The following DCLK1 variants were observed in gnomAD, a reference collection of about 807,000 sequenced individuals.
DCLK1 encodes the protein doublecortin like kinase 1.
In DCLK1, 16 loss-of-function variants were observed where a neutral mutation model predicts 86.2. The ratio of observed to expected loss-of-function variants is 0.19; its 90% CI spans 0.13 to 0.28. DCLK1 has a LOEUF of 0.28. Among genes scored for constraint, DCLK1 ranks in the 10% least tolerant of loss-of-function variants. The probability of loss-of-function intolerance (pLI) is 1.00; values close to 1 mark genes in which losing one functional copy is unlikely to be tolerated. For synonymous variants in DCLK1, 369 were observed against 370.5 expected, an observed-to-expected ratio of 1.00 and a Z score of 0.05; for missense variants, 590 against 940.2, an observed-to-expected ratio of 0.63 and a Z score of 4.87.
At chr13:36,062,097 G>C (rs1414703842) in intron 3 of DCLK1, among the ~76,000 whole-genome samples, 1 of 151,984 alleles carries the variant, frequency 6.6e-6, no homozygotes, top group Non-Finnish European at 1.5e-5. Context: ...ACCCTTGTGG[G>C]TTTTTATATA....
At chr13:35,991,936 C>T (rs1366522820) in intron 3 of DCLK1, among the ~76,000 whole-genome samples, 1 of 152,012 alleles carries the variant, frequency 6.6e-6, no homozygotes, top group Non-Finnish European at 1.5e-5. Context: ...TTTTCTAATG[C>T]CTGGAAAGTG....
rs1280145349 is a variant in DCLK1, at chr13:35,769,518, C to CT, written c.*5016dup. 1.3e-5 allele frequency: 2 copies of CT among 151,982 alleles called. No individual in the cohort carries two copies. The highest frequency in any genetic ancestry group is 2.9e-5 in the Non-Finnish European group (2 of 67,996). 9.4% of individuals were successfully genotyped at this position (151,982 alleles called of 1,614,324 possible). A position where few individuals can be genotyped will look rare whatever the true frequency, so the allele number is the denominator to read the frequency against. On this transcript the variant is annotated 3_prime_UTR_variant, in exon 17 of 17. Transcript: ENST00000360631. ...TATAACCTTGGACCAGTTTCAATTT[C>CT]TTTTTATTTTTTCTGAGAATACACC...
intron 3 of DCLK1, among the ~76,000 whole-genome samples, chr13:36,107,454 T>C (rs1016309802): frequency 6.6e-6 from 1 of 151,242 alleles, no homozygotes; most frequent in East Asian, 2.0e-4. Context: ...ACATGGCCTA[T>C]GTGAAATGTC....
chr13:35,822,070 G>A (rs1287548865), intron 11 of DCLK1, among the ~76,000 whole-genome samples: 1 of 151,668 alleles, frequency 6.6e-6, no homozygotes, highest in Non-Finnish European at 1.5e-5. Context: ...TGTAAAGTTG[G>A]GAGACTCCAA....
chr13:36,085,279 A>G (rs761717061), intron 3 of DCLK1, among the ~76,000 whole-genome samples: 1 of 152,188 alleles, frequency 6.6e-6, no homozygotes, highest in African/African-American at 2.4e-5. Context: ...TATAAAGCAA[A>G]TGGACCCTTT....
chr13:35,783,331 T>A (rs560045870), intron 16 of DCLK1, among the ~76,000 whole-genome samples: 4 of 152,266 alleles, frequency 2.6e-5, no homozygotes, highest in South Asian at 4.1e-4. Flanking sequence ...TTTTTTTAGT[T>A]TCTTCTTTGG....
intron 4 of DCLK1, among the ~76,000 whole-genome samples, chr13:35,918,466 G>A (rs1875564631): frequency 6.6e-6 from 1 of 152,130 alleles, no homozygotes; most frequent in East Asian, 1.9e-4. Context: ...TGATTCCAAT[G>A]TCATATGACA....
chr13:35,936,962 C>CTTTTTTTTTTTTTTTTTTTTTTT lies in DCLK1; in HGVS notation c.823+10373_823+10395dup, dbSNP rs140269668. 2.3e-3 allele frequency among the ~76,000 whole-genome samples: 150 copies of CTTTTTTTTTTTTTTTTTTTTTTT among 65,736 alleles called. 12 individuals are homozygous for CTTTTTTTTTTTTTTTTTTTTTTT. Among genetic ancestry groups the CTTTTTTTTTTTTTTTTTTTTTTT allele is most frequent in the East Asian group, 3.7e-3 (6 of 1,620 alleles). 43.1% of individuals were successfully genotyped at this position (65,736 alleles called of 152,430 possible). A position where few individuals can be genotyped will look rare whatever the true frequency, so the allele number is the denominator to read the frequency against. On this transcript the variant is annotated intron_variant, in intron 4 of 16. Transcript: ENST00000360631. ...TTAAAACATCCAAAAGAAAAGTTAG[C>CTTTTTTTTTTTTTTTTTTTTTTT]TTTTTTTTTTTTTTTTTTTTTTTTT...
At chr13:35,834,299 C>A (rs1008422117) in intron 8 of DCLK1, among the ~76,000 whole-genome samples, 1 of 152,136 alleles carries the variant, frequency 6.6e-6, no homozygotes, top group Non-Finnish European at 1.5e-5. Flanking sequence ...ATGGCTTTCC[C>A]AAATTAATTA....
At chr13:36,041,418 C>T (rs1324476505) in intron 3 of DCLK1, among the ~76,000 whole-genome samples, 1 of 152,164 alleles carries the variant, frequency 6.6e-6, no homozygotes, top group Non-Finnish European at 1.5e-5. Context: ...CGGGAAACAA[C>T]TTTTTAAAAT....
intron 4 of DCLK1, among the ~76,000 whole-genome samples, chr13:35,946,844 A>T (rs1877412341): frequency 6.6e-6 from 1 of 152,148 alleles, no homozygotes; most frequent in Non-Finnish European, 1.5e-5. Context: ...AGAGTAGCAC[A>T]TTTAGTTTGT....
intron 4 of DCLK1, among the ~76,000 whole-genome samples, chr13:35,892,554 G>A (rs887180370): frequency 5.3e-5 from 8 of 152,142 alleles, no homozygotes; most frequent in Non-Finnish European, 1.2e-4. Context: ...AGGAAAATGC[G>A]AATTAGATGT....
intron 3 of DCLK1, among the ~76,000 whole-genome samples, chr13:36,080,214 G>T (rs968686108): frequency 6.6e-6 from 1 of 152,180 alleles, no homozygotes; most frequent in African/African-American, 2.4e-5. Flanking sequence ...AGAAAGGAGA[G>T]CAAGGCCTAG....
At chr13:35,859,254 C>T (rs1364552772) in intron 5 of DCLK1, among the ~76,000 whole-genome samples, 1 of 152,202 alleles carries the variant, frequency 6.6e-6, no homozygotes, top group Non-Finnish European at 1.5e-5. Context: ...ATCCACTAAA[C>T]TCTGAATTAG....
At chr13:36,027,501 G>A (rs970333677) in intron 3 of DCLK1, among the ~76,000 whole-genome samples, 4 of 152,104 alleles carry the variant, frequency 2.6e-5, no homozygotes, top group African/African-American at 9.7e-5. Context: ...GACATGATCT[G>A]GGAAATATTA....
chr13:36,090,104 A>C (rs1884764617), intron 3 of DCLK1, among the ~76,000 whole-genome samples: 3 of 152,238 alleles, frequency 2.0e-5, no homozygotes, highest in Admixed American at 1.3e-4. Context: ...GCCTTACTTT[A>C]GAGTGGGGTG....
chr13:36,008,834 T>C (rs1368097600), intron 3 of DCLK1, among the ~76,000 whole-genome samples: 4 of 150,930 alleles, frequency 2.7e-5, no homozygotes, highest in African/African-American at 7.3e-5. Flanking sequence ...GTTTACAGTC[T>C]CACCAACAGT....
chr13:35,795,982 C>T (rs1479678825), intron 15 of DCLK1, among the ~76,000 whole-genome samples: 1 of 137,930 alleles, frequency 7.3e-6, no homozygotes, highest in Non-Finnish European at 1.6e-5. Context: ...GTGAATGAAA[C>T]AAAAGGCCCC....
chr13:36,113,016 G>A (rs536769922), intron 2 of DCLK1, among the ~76,000 whole-genome samples: 2 of 152,224 alleles, frequency 1.3e-5, no homozygotes, highest in Admixed American at 6.5e-5. Flanking sequence ...GTAAAATGAC[G>A]AATTCTAAAT....
Sources: gnomAD v4.1 joint callset for allele counts (sites outside exome capture counted in the v4.1 genomes callset) on GRCh38, gnomAD v4.1.1 for gene constraint, MANE v1.5 for transcripts, NCBI Gene and HGNC (gene_info 2026-07-23, HGNC 2026-07-21) for gene names.